SNTA1: variants seen among roughly 807,000 people sequenced by gnomAD.
SNTA1 encodes the protein syntrophin alpha 1.
A neutral mutation model predicts 47.1 loss-of-function variants in SNTA1; 31 were observed. The observed-to-expected ratio is 0.66, with a 90% CI of 0.49 to 0.89. The LOEUF is 0.89. SNTA1 is among the 40% of genes least tolerant of loss of function. The pLI is 0.00. For synonymous variants in SNTA1, 300 were observed against 313.6 expected (o/e 0.96, Z 0.46); for missense variants, 575 against 693.0 (o/e 0.83, Z 1.91).
intron 2 of SNTA1, among the ~76,000 whole-genome samples, chr20:33,431,871 C>G (rs1990316491): frequency 1.3e-5 from 2 of 152,196 alleles, no homozygotes; most frequent in Admixed American, 1.3e-4. Flanking sequence ...ATTATTTCCT[C>G]CACCACCAGC....
chr20:33,411,743 G>A (rs1475057341), intron 5 of SNTA1, among the ~76,000 whole-genome samples: 1 of 152,200 alleles, frequency 6.6e-6, no homozygotes, highest in African/African-American at 2.4e-5. Flanking sequence ...TTTCCTGCAT[G>A]AATTCTGGTT....
At chr20:33,442,063 C>T (rs982910935) in intron 1 of SNTA1, among the ~76,000 whole-genome samples, 75 of 152,208 alleles carry the variant, frequency 4.9e-4, no homozygotes, top group African/African-American at 1.8e-3. Context: ...AGCACTGACA[C>T]TCACTATGTA....
chr20:33,408,900 G>C lies in SNTA1; in HGVS notation c.1238-12C>G. On this transcript the variant is annotated splice_polypyrimidine_tract_variant and intron_variant, in intron 6 of 7. Transcript: ENST00000217381. ...ATTCCACGTGCAGGCTGCAGGGAGG[G>C]CACATAGGTACAGGCACAGCTGGCA... is the stretch of plus-strand genomic sequence containing the variant. 1 of 1,612,690 alleles carries C rather than the reference G, an allele frequency of 6.2e-7. No individual in the cohort carries two copies. Among genetic ancestry groups the C allele is most frequent in the Non-Finnish European group, 8.5e-7 (1 of 1,179,262 alleles).
At chr20:33,414,245 CAAAAAAA>C (rs56186098) in intron 3 of SNTA1, among the ~76,000 whole-genome samples, 14 of 29,268 alleles carry the variant, frequency 4.8e-4, no homozygotes, top group South Asian at 3.4e-3. Flanking sequence ...TCTCAAAAAC[CAAAAAAA>C]AAAAAAAAAA....
rs151158866 is a variant in SNTA1, at chr20:33,408,847, T to C, written c.1279A>G (p.Ile427Val). ...NGRPCSLSVH[I>V]DKGFTLWAAE... ...GCCCACAGTGTGAAGCCCTTGTCGA[T>C]GTGCACAGACAGGCTGCAGGGACGC... Residue 427 changes from isoleucine (I) to valine (V), a missense_variant, in exon 7 of 8, where the codon ATC (isoleucine) becomes GTC (valine). Transcript: ENST00000217381. 20 of 1,614,200 alleles carry C rather than the reference T, an allele frequency of 1.2e-5. No individual in the cohort carries two copies. The highest frequency in any genetic ancestry group is 1.6e-5 in the Non-Finnish European group (19 of 1,180,040).
intron 3 of SNTA1, among the ~76,000 whole-genome samples, chr20:33,415,443 T>G (rs1989852100): frequency 6.6e-6 from 1 of 151,930 alleles, no homozygotes; most frequent in South Asian, 2.1e-4. Flanking sequence ...GATCTTGAGG[T>G]CAGGAGTTTG....
At chr20:33,424,547 A>G (rs980547229) in intron 2 of SNTA1, among the ~76,000 whole-genome samples, 1 of 151,300 alleles carries the variant, frequency 6.6e-6, no homozygotes, top group African/African-American at 2.4e-5. Context: ...ACAGGGACTC[A>G]CTCTCACCCA....
chr20:33,426,504 G>A (rs1006473812), intron 2 of SNTA1, among the ~76,000 whole-genome samples: 1 of 150,678 alleles, frequency 6.6e-6, no homozygotes, highest in Non-Finnish European at 1.5e-5. Flanking sequence ...GCTCATGCCT[G>A]TAATCCCAGC....
intron 2 of SNTA1, among the ~76,000 whole-genome samples, chr20:33,429,435 T>C (rs1341425162): frequency 6.8e-6 from 1 of 147,700 alleles, no homozygotes; most frequent in Non-Finnish European, 1.5e-5. Flanking sequence ...GTGGATCACC[T>C]GAGGCCAGGA....
chr20:33,412,342 CGCGGG>C lies in SNTA1; in HGVS notation c.989_993del (p.Thr330ArgfsTer106). ...GTACGGGCTGGCCGGCTCAGGGCCTCGCGGGTCTCGGGGAGAGACAAGTAGAGGAG... is the reference window on the plus strand; with the variant it reads ...GTACGGGCTGGCCGGCTCAGGGCCTCTCTCGGGGAGAGACAAGTAGAGGAG... On this transcript the variant is annotated frameshift_variant, in exon 5 of 8. Transcript: ENST00000217381. LOFTEE classifies it high-confidence loss of function. The C allele has an allele frequency of 6.2e-7, 1 of 1,611,740 alleles. No homozygotes were observed. The highest frequency in any genetic ancestry group is 2.2e-5 in the East Asian group (1 of 44,834).
intron 6 of SNTA1, 139 bp downstream of exon 6, chr20:33,409,996 C>T (rs957735333): frequency 8.5e-6 from 7 of 821,814 alleles, no homozygotes; most frequent in South Asian, 1.5e-5. Flanking sequence ...AAACTTCTGA[C>T]CTCAGGTGAT....
rs1488533121 is a variant in SNTA1, at chr20:33,417,829, C to A, written c.591G>T (p.Arg197=). ...WDSPPASPLQ[R]QPSSPGPTPR... ...GTGTGGGGCCAGGGGAGGAAGGCTG[C>A]CGCTGAAGGGGTGAGGCAGGAGGTG... The change falls in exon 3 of 8, where the codon CGG becomes CGT. Residue 197 remains arginine, a synonymous_variant. Transcript: ENST00000217381. 1 of 1,613,956 alleles carries A rather than the reference C, an allele frequency of 6.2e-7. No homozygotes were observed. Among genetic ancestry groups the A allele is most frequent in the East Asian group, 2.2e-5 (1 of 44,884 alleles).
intron 6 of SNTA1, 95 bp downstream of exon 6, chr20:33,410,040 T>G: frequency 7.7e-7 from 1 of 1,306,058 alleles, no homozygotes; most frequent in South Asian, 1.2e-5. Flanking sequence ...CCATTTTCTA[T>G]CCCCTCCTGA....
chr20:33,441,612 T>C (rs1255335871), intron 1 of SNTA1, among the ~76,000 whole-genome samples: 1 of 152,170 alleles, frequency 6.6e-6, no homozygotes, highest in Non-Finnish European at 1.5e-5. Flanking sequence ...CACTCATGGC[T>C]GCCTCAGACT....
intron 2 of SNTA1, among the ~76,000 whole-genome samples, chr20:33,428,994 T>G (rs1204529835): frequency 6.6e-6 from 1 of 151,508 alleles, no homozygotes; most frequent in African/African-American, 2.4e-5. Context: ...TGAGCCAAGA[T>G]CGTACCACTG....
At chr20:33,421,501 A>G (rs762225475) in intron 2 of SNTA1, among the ~76,000 whole-genome samples, 31 of 152,162 alleles carry the variant, frequency 2.0e-4, no homozygotes, top group Non-Finnish European at 4.3e-4. Flanking sequence ...AATCCCAGCT[A>G]CTCAGGAGGC....
rs184024562 is a variant in SNTA1 at position 33,433,456 on chromosome 20, G to A, written c.496+5385C>T. On this transcript the variant is annotated intron_variant, in intron 2 of 7. Coordinates refer to ENST00000217381, the MANE Select transcript of SNTA1 (RefSeq NM_003098.3). Reference sequence around the variant, plus strand: ...ATTTTTGTATATTATTAGTAGAGACGGGGTTTCACCATGTTGCCCAGGCTA... The same window carrying A: ...ATTTTTGTATATTATTAGTAGAGACAGGGTTTCACCATGTTGCCCAGGCTA... Among the ~76,000 whole-genome samples the A allele has an allele frequency of 4.0e-3, 606 of 151,650 alleles. 8 individuals are homozygous for A. Among genetic ancestry groups the A allele is most frequent in the Non-Finnish European group, 4.5e-3 (306 of 67,894 alleles).
At chr20:33,442,145 C>T (rs1007476979) in intron 1 of SNTA1, among the ~76,000 whole-genome samples, 1 of 152,182 alleles carries the variant, frequency 6.6e-6, no homozygotes, top group Non-Finnish European at 1.5e-5. Context: ...ATACTCCCTA[C>T]CTTTCACCAC....
At chr20:33,415,785 T>C (rs1369040054) in intron 3 of SNTA1, among the ~76,000 whole-genome samples, 1 of 138,724 alleles carries the variant, frequency 7.2e-6, no homozygotes, top group Admixed American at 7.4e-5. Flanking sequence ...CAGAGAAGAC[T>C]CTGTCCCAAA....
Sources: gnomAD v4.1 joint callset for allele counts (sites outside exome capture counted in the v4.1 genomes callset) on GRCh38, gnomAD v4.1.1 for gene constraint, MANE v1.5 for transcripts, NCBI Gene and HGNC (gene_info 2026-07-23, HGNC 2026-07-21) for gene names.